Variants in XIRP2 observed in about 807,000 individuals in gnomAD.
XIRP2 encodes the protein xin actin binding repeat containing 2.
In XIRP2, 236 loss-of-function variants were observed where a neutral mutation model predicts 277.0. The observed-to-expected ratio is 0.85, with a 90% CI of 0.77 to 0.95. XIRP2 has a LOEUF of 0.95. XIRP2 is among the 40% of genes least tolerant of loss of function. XIRP2 has a pLI of 0.00. For missense variants in XIRP2, 4,640 were observed against 4,157.5 expected (o/e 1.12, Z -3.19); for synonymous variants, 1,490 against 1,416.5 (o/e 1.05, Z -1.17).
Position 167,047,720 on chromosome 2 carries a change from T to C in XIRP2, c.409-88189T>C, listed in dbSNP as rs370792939. On this transcript the variant is annotated intron_variant, in intron 2 of 10. Coordinates refer to ENST00000409195, the MANE Select transcript of XIRP2 (RefSeq NM_152381.6). ...ACCTGTTTAGGGCTCATGTCAGTTC[T>C]TATTTGCCAGGCATTTATTTTGATT... 5.9e-5 allele frequency among the ~76,000 whole-genome samples: 9 copies of C among 152,112 alleles called. 1 individual carries two copies. The highest frequency in any genetic ancestry group is 1.9e-4 in the East Asian group (1 of 5,176).
chr2:167,197,853 G>T (rs1260419365), intron 3 of XIRP2, among the ~76,000 whole-genome samples: 1 of 152,142 alleles, frequency 6.6e-6, no homozygotes, highest in South Asian at 2.1e-4. Flanking sequence ...CTGTTTGCAA[G>T]TGTTAAATTC....
At chr2:167,087,600 T>C (rs1429781138) in intron 2 of XIRP2, among the ~76,000 whole-genome samples, 3 of 152,170 alleles carry the variant, frequency 2.0e-5, no homozygotes, top group Non-Finnish European at 2.9e-5. Context: ...CGAGACTCCA[T>C]GGGCGTAGGA....
At chr2:167,016,664 C>A (rs181692569) in intron 2 of XIRP2, among the ~76,000 whole-genome samples, 40 of 151,950 alleles carry the variant, frequency 2.6e-4, no homozygotes, top group African/African-American at 9.2e-4. Flanking sequence ...CGAAAAGATA[C>A]TTATTGGAGG....
In XIRP2 at chr2:166,933,644, T is replaced by G. The variant is rs552398348; in HGVS notation, c.408+29754T>G. Among the ~76,000 whole-genome samples, 116 of 151,050 alleles carry G rather than the reference T, an allele frequency of 7.7e-4. 4 individuals carry two copies. In the South Asian group the frequency reaches 0.024, roughly 31 times the overall value. ...TAAAATTCCAGAAGGTGCATGTTTG[T>G]GTGTGTGTGTGTAGATTAACAAAAT... On this transcript the variant is annotated intron_variant, in intron 2 of 10. Transcript: ENST00000409195.
chr2:167,006,665 A>G (rs1197483286), intron 2 of XIRP2, among the ~76,000 whole-genome samples: 2 of 151,748 alleles, frequency 1.3e-5, no homozygotes, highest in Admixed American at 6.6e-5. Flanking sequence ...TGGGGAGCAA[A>G]GTAGACCAAG....
intron 10 of XIRP2, among the ~76,000 whole-genome samples, chr2:167,256,145 G>T (rs1001349975): frequency 2.0e-5 from 3 of 151,070 alleles, no homozygotes; most frequent in African/African-American, 7.3e-5. Flanking sequence ...GTATGTTGTT[G>T]CATGCTTTTT....
At chr2:167,042,233 A>G (rs1688675809) in intron 2 of XIRP2, among the ~76,000 whole-genome samples, 1 of 152,160 alleles carries the variant, frequency 6.6e-6, no homozygotes, top group African/African-American at 2.4e-5. Context: ...CACCACAAAA[A>G]CACACTTAAG....
Position 167,246,011 on chromosome 2 carries a change from C to T in XIRP2, c.4619C>T (p.Thr1540Ile). Reference sequence around the variant, plus strand: ...ACACCACTTCATGAATTTAATGAAACTAGAGTAGAAAAGATAGAAATTATT... The same window carrying T: ...ACACCACTTCATGAATTTAATGAAATTAGAGTAGAAAAGATAGAAATTATT... ...ETTPLHEFNETRVEKIEIIGK... is the reference protein window; with the variant it reads ...ETTPLHEFNEIRVEKIEIIGK... Residue 1540 changes from threonine to isoleucine, a missense_variant, in exon 9 of 11, where the codon ACT becomes ATT. Coordinates refer to ENST00000409195, the MANE Select transcript of XIRP2 (RefSeq NM_152381.6). 1 of 1,613,148 alleles carries T rather than the reference C, an allele frequency of 6.2e-7. No homozygotes were observed.
Position 167,247,995 on chromosome 2 carries a change from A to G in XIRP2, c.6603A>G (p.Lys2201=). The G allele has an allele frequency of 6.2e-7, 1 of 1,612,556 alleles. No homozygotes were observed. The highest frequency in any genetic ancestry group is 8.5e-7 in the Non-Finnish European group (1 of 1,179,416). ...AATATTCTAATAAGGATATAAAGAA[A>G]AAGAATATAAACCTTCAACCAATGT... ...ETKYSNKDIK[K]KNINLQPMWQ... Residue 2201 remains lysine (K), a synonymous_variant, in exon 9 of 11, where the codon AAA becomes AAG. Transcript: ENST00000409195.
chr2:167,024,578 T>C (rs987857205), intron 2 of XIRP2, among the ~76,000 whole-genome samples: 5 of 152,188 alleles, frequency 3.3e-5, no homozygotes, highest in Admixed American at 6.5e-5. Flanking sequence ...CAGTATGATA[T>C]TGGCTGTGGG....
Position 166,922,852 on chromosome 2 carries a change from G to A in XIRP2, c.408+18962G>A, listed in dbSNP as rs149640947. Among the ~76,000 whole-genome samples, 673 of 149,968 alleles carry A rather than the reference G, an allele frequency of 4.5e-3. 4 individuals are homozygous for A. The highest frequency in any genetic ancestry group is 0.016 in the African/African-American group (652 of 40,856). On this transcript the variant is annotated intron_variant, in intron 2 of 10. Coordinates refer to ENST00000409195, the MANE Select transcript of XIRP2 (RefSeq NM_152381.6). ...TTTTTTTTTAAAGAAAGGTAACCAG[G>A]GGTGATAGCATATTGCAGATTTTAC...
Position 167,259,469 on chromosome 2 carries a change from C to T in XIRP2, c.*1652C>T, listed in dbSNP as rs1353475327. On this transcript the variant is annotated 3_prime_UTR_variant, in exon 11 of 11. Coordinates refer to ENST00000409195, the MANE Select transcript of XIRP2 (RefSeq NM_152381.6). ...ACCCTTTTGAGGAACTTGATGTAAACATGGTGTTCAGAAATCTCGTGTCTA... is the reference window on the plus strand; with the variant it reads ...ACCCTTTTGAGGAACTTGATGTAAATATGGTGTTCAGAAATCTCGTGTCTA... The T allele has an allele frequency of 4.4e-6, 5 of 1,138,746 alleles. No homozygotes were observed. Among genetic ancestry groups the T allele is most frequent in the Non-Finnish European group, 6.0e-6 (5 of 828,084 alleles). The allele number at this position is 1,138,746 out of a possible 1,614,324, so 70.5% of individuals were successfully genotyped here. A position where few individuals can be genotyped will look rare whatever the true frequency, so the allele number is the denominator to read the frequency against.
At chr2:167,212,542 C>A (rs1694086060) in intron 4 of XIRP2, among the ~76,000 whole-genome samples, 1 of 151,888 alleles carries the variant, frequency 6.6e-6, no homozygotes, top group Non-Finnish European at 1.5e-5. Context: ...CTCAAAATGT[C>A]TACATATAAA....
chr2:167,045,411 T>A (rs1688762666), intron 2 of XIRP2, among the ~76,000 whole-genome samples: 1 of 152,058 alleles, frequency 6.6e-6, no homozygotes, highest in South Asian at 2.1e-4. Context: ...ATGGGACTAA[T>A]TAAACTAAAG....
chr2:167,149,026 G>A (rs977184493), intron 3 of XIRP2, among the ~76,000 whole-genome samples: 1 of 152,000 alleles, frequency 6.6e-6, no homozygotes, highest in Admixed American at 6.6e-5. Flanking sequence ...TGATGCCTTA[G>A]GAAGCTGAAT....
At chr2:167,161,427 A>G (rs992205090) in intron 3 of XIRP2, among the ~76,000 whole-genome samples, 2 of 152,218 alleles carry the variant, frequency 1.3e-5, no homozygotes, top group Non-Finnish European at 2.9e-5. Flanking sequence ...GTTTCCATAC[A>G]TCCTCTGAAA....
chr2:167,056,498 A>G (rs180746352), intron 2 of XIRP2, among the ~76,000 whole-genome samples: 5 of 152,112 alleles, frequency 3.3e-5, no homozygotes, highest in Admixed American at 6.5e-5. Context: ...GTTTATGCAA[A>G]CTCAGTGTTC....
intron 2 of XIRP2, among the ~76,000 whole-genome samples, chr2:167,074,261 A>G (rs1371951375): frequency 6.6e-6 from 1 of 152,126 alleles, no homozygotes; most frequent in Non-Finnish European, 1.5e-5. Context: ...ATATGTATAC[A>G]TATACATATA....
intron 2 of XIRP2, among the ~76,000 whole-genome samples, chr2:167,068,680 G>T (rs544842931): frequency 5.9e-5 from 9 of 151,782 alleles, no homozygotes; most frequent in Non-Finnish European, 1.0e-4. Flanking sequence ...TATAAAAGCA[G>T]GTCATGGCTC....
Sources: gnomAD v4.1 joint callset for allele counts (sites outside exome capture counted in the v4.1 genomes callset) on GRCh38, gnomAD v4.1.1 for gene constraint, MANE v1.5 for transcripts, NCBI Gene and HGNC (gene_info 2026-07-23, HGNC 2026-07-21) for gene names.